PXDNL: variants seen among roughly 807,000 people sequenced by gnomAD.
PXDNL encodes peroxidasin like, also known as probable oxidoreductase PXDNL.
PXDNL carries 145 observed loss-of-function variants against 150.8 expected under a neutral mutation model. The ratio of observed to expected loss-of-function variants is 0.96; its 90% CI spans 0.84 to 1.10. The LOEUF is 1.10. Ranked by LOEUF, PXDNL falls within the 50% of genes least tolerant of loss-of-function variation. The probability of loss-of-function intolerance (pLI) is 0.00; values close to 1 mark genes in which losing one functional copy is unlikely to be tolerated. For missense variants in PXDNL, 2,087 were observed against 1,873.9 expected (o/e 1.11, Z -2.10); for synonymous variants, 757 against 725.7 (o/e 1.04, Z -0.69).
intron 1 of PXDNL, among the ~76,000 whole-genome samples, chr8:51,795,914 G>A (rs1456816849): frequency 6.6e-6 from 1 of 152,236 alleles, no homozygotes; most frequent in Non-Finnish European, 1.5e-5. Flanking sequence ...CGACCCTGGA[G>A]AGAGACATCG....
chr8:51,583,536 C>A (rs1401911121), intron 3 of PXDNL, among the ~76,000 whole-genome samples: 1 of 152,042 alleles, frequency 6.6e-6, no homozygotes, highest in Non-Finnish European at 1.5e-5. Flanking sequence ...CATTTTGACT[C>A]CAAATGCATA....
chr8:51,391,397 G>A (rs1277220355), intron 17 of PXDNL, among the ~76,000 whole-genome samples: 1 of 152,090 alleles, frequency 6.6e-6, no homozygotes, highest in Admixed American at 6.5e-5. Context: ...ATCCTCTCCA[G>A]CACCTGTTGT....
chr8:51,590,459 A>C (rs1269097261), intron 3 of PXDNL, among the ~76,000 whole-genome samples: 1 of 152,140 alleles, frequency 6.6e-6, no homozygotes, highest in Non-Finnish European at 1.5e-5. Flanking sequence ...ACTCCAACCC[A>C]AGAGAACTGA....
At chr8:51,579,735 T>C (rs189153696) in intron 3 of PXDNL, among the ~76,000 whole-genome samples, 1 of 152,182 alleles carries the variant, frequency 6.6e-6, no homozygotes, top group Non-Finnish European at 1.5e-5. Context: ...TGTCTTTCAA[T>C]AGGTGAACGG....
chr8:51,403,087 C>A (rs1362410413), intron 17 of PXDNL, among the ~76,000 whole-genome samples: 1 of 129,376 alleles, frequency 7.7e-6, no homozygotes, highest in Non-Finnish European at 1.6e-5. Context: ...AACTCCCTCT[C>A]CAAAAAAAAA....
chr8:51,515,688 G>A (rs1385155179), intron 4 of PXDNL, among the ~76,000 whole-genome samples: 2 of 152,180 alleles, frequency 1.3e-5, no homozygotes, highest in African/African-American at 2.4e-5. Context: ...CTGATCTCTG[G>A]AAAGTAATCA....
Position 51,565,313 on chromosome 8 carries a change from A to ATAGATAG in PXDNL, c.309-8403_309-8402insCTATCTA, listed in dbSNP as rs1563466554. The stretch of plus-strand genomic sequence containing the variant: ...AAATAAATAAATAAATAAATAAATA[A>ATAGATAG]ATAAATAAATAGATAGATAGATAGA... On this transcript the variant is annotated intron_variant, in intron 3 of 22. Coordinates refer to ENST00000356297, the MANE Select transcript of PXDNL (RefSeq NM_144651.5). Among the ~76,000 whole-genome samples the ATAGATAG allele has an allele frequency of 6.2e-4, 76 of 123,486 alleles. 1 individual carries two copies. The highest frequency in any genetic ancestry group is 3.9e-3 in the Middle Eastern group (1 of 258). 81.0% of individuals were successfully genotyped at this position (123,486 alleles called of 152,430 possible).
In PXDNL at chr8:51,409,326, CCCG is replaced by C; in HGVS notation, c.2295_2297del (p.Gly766del). 7.0e-7 allele frequency: 1 copy of C among 1,438,422 alleles called. No homozygotes were observed. The allele number at this position is 1,438,422 out of a possible 1,614,324, so 89.1% of individuals were successfully genotyped here. A position where few individuals can be genotyped will look rare whatever the true frequency, so the allele number is the denominator to read the frequency against. On this transcript the variant is annotated inframe_deletion, in exon 17 of 23. Coordinates refer to ENST00000356297, the MANE Select transcript of PXDNL (RefSeq NM_144651.5). ...GGCGGGAGCCCACAGGAAGGCCGAG[CCCG>C]CGGGGCGCGCGGATGCCGTCCCGGT...
intron 1 of PXDNL, among the ~76,000 whole-genome samples, chr8:51,752,206 G>A (rs1307530953): frequency 6.6e-6 from 1 of 152,174 alleles, no homozygotes; most frequent in Non-Finnish European, 1.5e-5. Flanking sequence ...GTGGGTCCAG[G>A]TGCTGGGGTG....
chr8:51,735,756 C>T (rs1390014809), intron 1 of PXDNL, among the ~76,000 whole-genome samples: 4 of 150,764 alleles, frequency 2.7e-5, no homozygotes, highest in South Asian at 4.2e-4. Flanking sequence ...CCGTTTTAGC[C>T]GGGATGGTCT....
At chr8:51,498,191 A>G (rs1811102064) in intron 5 of PXDNL, among the ~76,000 whole-genome samples, 1 of 150,898 alleles carries the variant, frequency 6.6e-6, no homozygotes. Flanking sequence ...ACAGAAAACG[A>G]AACACCGCAT....
In PXDNL at chr8:51,699,133, G is replaced by A. The variant is rs534293457; in HGVS notation, c.165-44373C>T. On this transcript the variant is annotated intron_variant, in intron 1 of 22. Transcript: ENST00000356297. ...TCAACTTAAAGTCACCACTGCATTA[G>A]CCCCTAACAAGAGAGTCAATCTGTC... Among the ~76,000 whole-genome samples, 235 of 152,248 alleles carry A rather than the reference G, an allele frequency of 1.5e-3. 1 individual carries two copies. Among genetic ancestry groups the A allele is most frequent in the African/African-American group, 5.5e-3 (227 of 41,554 alleles).
intron 9 of PXDNL, among the ~76,000 whole-genome samples, chr8:51,454,181 T>C (rs991387953): frequency 6.6e-6 from 1 of 152,226 alleles, no homozygotes; most frequent in East Asian, 1.9e-4. Flanking sequence ...TAGTCATTTC[T>C]TCCTCCTGTT....
chr8:51,668,250 C>G (rs1815430625), intron 1 of PXDNL, among the ~76,000 whole-genome samples: 1 of 137,392 alleles, frequency 7.3e-6, no homozygotes, highest in Admixed American at 7.8e-5. Context: ...TCTCAGCTCA[C>G]TGCATCCTCT....
chr8:51,645,180 T>G (rs2130786770), intron 2 of PXDNL, among the ~76,000 whole-genome samples: 1 of 152,186 alleles, frequency 6.6e-6, no homozygotes, highest in Admixed American at 6.5e-5. Context: ...AGCTCAGCAT[T>G]CAGGCAGAGT....
intron 3 of PXDNL, among the ~76,000 whole-genome samples, chr8:51,569,809 C>A (rs1387053809): frequency 2.6e-5 from 4 of 151,906 alleles, no homozygotes; most frequent in African/African-American, 7.2e-5. Flanking sequence ...TTCTGTAAAG[C>A]CATGTTTCTG....
chr8:51,735,810 T>G (rs879895898), intron 1 of PXDNL, among the ~76,000 whole-genome samples: 1 of 151,842 alleles, frequency 6.6e-6, no homozygotes, highest in Non-Finnish European at 1.5e-5. Flanking sequence ...CCTCCCAAAG[T>G]GCTGGGATTA....
intron 1 of PXDNL, among the ~76,000 whole-genome samples, chr8:51,661,838 C>T (rs1366004057): frequency 6.8e-6 from 1 of 146,892 alleles, no homozygotes; most frequent in Non-Finnish European, 1.5e-5. Context: ...GTGATTTTTT[C>T]TTTCTTTTCT....
chr8:51,788,960 C>T (rs1012507410), intron 1 of PXDNL, among the ~76,000 whole-genome samples: 1 of 141,120 alleles, frequency 7.1e-6, no homozygotes, highest in Non-Finnish European at 1.5e-5. Flanking sequence ...CCTGTGGATA[C>T]AGAATTAATA....
Sources: allele counts gnomAD v4.1 joint callset (sites outside exome capture counted in the v4.1 genomes callset), GRCh38; gene constraint gnomAD v4.1.1; transcripts MANE v1.5; gene names NCBI Gene and HGNC (gene_info 2026-07-23, HGNC 2026-07-21).